Variants in NTF3 observed in about 807,000 individuals in gnomAD.
The protein encoded by NTF3 is neurotrophin-3.
In NTF3, 8 loss-of-function variants were observed where a neutral mutation model predicts 26.3. That is an observed-to-expected ratio of 0.30 (90% CI 0.18 to 0.55). The LOEUF (loss-of-function observed/expected upper bound fraction) is 0.55. NTF3 is among the 20% of genes least tolerant of loss of function. The pLI, the probability that NTF3 is intolerant of heterozygous loss-of-function variation, is 0.93. For missense variants in NTF3, 276 were observed against 352.9 expected (o/e 0.78, Z 1.75); for synonymous variants, 154 against 145.5 (o/e 1.06, Z -0.42).
chr12:5,461,965 T>C (rs1460085503), intron 1 of NTF3, among the ~76,000 whole-genome samples: 2 of 152,220 alleles, frequency 1.3e-5, no homozygotes, highest in Non-Finnish European at 2.9e-5. Context: ...ATGATGTGTA[T>C]GGGGAAATTT....
At chr12:5,452,524 T>C (rs1186365041) in intron 1 of NTF3, among the ~76,000 whole-genome samples, 1 of 152,218 alleles carries the variant, frequency 6.6e-6, no homozygotes, top group East Asian at 1.9e-4. Flanking sequence ...ATACTACAGT[T>C]GCCATCCTTT....
intron 1 of NTF3, among the ~76,000 whole-genome samples, chr12:5,436,963 CA>C (rs1940175297): frequency 6.6e-6 from 1 of 152,188 alleles, no homozygotes; most frequent in Admixed American, 6.5e-5. Flanking sequence ...ACGTGGAGAA[CA>C]GCAAAAATAA....
chr12:5,472,589 C>G (rs919457659), intron 1 of NTF3, among the ~76,000 whole-genome samples: 5 of 152,178 alleles, frequency 3.3e-5, no homozygotes, highest in African/African-American at 1.2e-4. Context: ...TTCTGTTACT[C>G]CAGCCTGGGC....
At chr12:5,444,267 T>C (rs1565384795) in intron 1 of NTF3, among the ~76,000 whole-genome samples, 1 of 152,224 alleles carries the variant, frequency 6.6e-6, no homozygotes, top group East Asian at 1.9e-4. Context: ...TTGTCGATTA[T>C]GTGTTTTCCT....
chr12:5,455,511 C>G (rs1940432036), intron 1 of NTF3, among the ~76,000 whole-genome samples: 1 of 148,888 alleles, frequency 6.7e-6, no homozygotes, highest in Non-Finnish European at 1.5e-5. Flanking sequence ...CCCTATCCAT[C>G]TGGCCTCTGT....
intron 1 of NTF3, among the ~76,000 whole-genome samples, chr12:5,440,446 C>T (rs538141565): frequency 2.0e-5 from 3 of 152,204 alleles, no homozygotes; most frequent in African/African-American, 7.2e-5. Context: ...CTAAGTGATC[C>T]CTCAGGGAGT....
chr12:5,446,020 C>G (rs954128267), intron 1 of NTF3, among the ~76,000 whole-genome samples: 4 of 152,162 alleles, frequency 2.6e-5, no homozygotes, highest in African/African-American at 7.2e-5. Context: ...TGGGGAACAG[C>G]AGGGAGAAAG....
chr12:5,434,432 TTGAG>T (rs1565382095), intron 1 of NTF3, among the ~76,000 whole-genome samples: 1 of 151,034 alleles, frequency 6.6e-6, no homozygotes, highest in Non-Finnish European at 1.5e-5. Context: ...ATTGTGACCA[TTGAG>T]TGAGTGGTCA....
intron 1 of NTF3, among the ~76,000 whole-genome samples, chr12:5,443,475 G>A (rs1940265255): frequency 6.6e-6 from 1 of 152,048 alleles, no homozygotes; most frequent in Non-Finnish European, 1.5e-5. Context: ...TACAAAGGGG[G>A]GAAATGTTCC....
chr12:5,464,629 T>C (rs1374426761), intron 1 of NTF3, among the ~76,000 whole-genome samples: 1 of 152,144 alleles, frequency 6.6e-6, no homozygotes, highest in Non-Finnish European at 1.5e-5. Context: ...AGAATCTGCA[T>C]ACTAACTGCT....
At chr12:5,437,072 T>C (rs1056134633) in intron 1 of NTF3, among the ~76,000 whole-genome samples, 1 of 152,202 alleles carries the variant, frequency 6.6e-6, no homozygotes, top group Non-Finnish European at 1.5e-5. Flanking sequence ...TTGAAATTCT[T>C]TGTGCCCAGT....
At chr12:5,458,365 C>A (rs575006843) in intron 1 of NTF3, among the ~76,000 whole-genome samples, 27 of 152,334 alleles carry the variant, frequency 1.8e-4, no homozygotes, top group Admixed American at 1.8e-3. Context: ...ACTCCCATTG[C>A]ATGCTGCAGC....
At chr12:5,443,760 C>CT (rs1940269050) in intron 1 of NTF3, among the ~76,000 whole-genome samples, 1 of 152,120 alleles carries the variant, frequency 6.6e-6, no homozygotes, top group South Asian at 2.1e-4. Flanking sequence ...CTCCTTGTCT[C>CT]TTTTTCTCTG....
intron 1 of NTF3, among the ~76,000 whole-genome samples, chr12:5,483,052 T>C (rs1051089798): frequency 3.3e-5 from 5 of 152,012 alleles, no homozygotes; most frequent in African/African-American, 1.2e-4. Context: ...TTTCTCTTTT[T>C]ATCCTTTCTC....
chr12:5,488,919 T>A (rs776300482), intron 1 of NTF3, among the ~76,000 whole-genome samples: 2 of 152,230 alleles, frequency 1.3e-5, no homozygotes, highest in Non-Finnish European at 2.9e-5. Context: ...TGAATTTGCA[T>A]ATTAAAAATT....
Position 5,495,271 on chromosome 12 carries a change from C to A in NTF3, c.*283C>A. The A allele has an allele frequency of 2.7e-6, 1 of 376,692 alleles. No homozygotes were observed. The highest frequency in any genetic ancestry group is 5.0e-6 in the Non-Finnish European group (1 of 199,108). 23.3% of individuals were successfully genotyped at this position (376,692 alleles called of 1,614,324 possible). On this transcript the variant is annotated 3_prime_UTR_variant, in exon 2 of 2. Transcript: ENST00000423158. ...GCATTCAGTATTGTCAAGGCCATGA[C>A]TGTTGTTTTAGTAAACTTGTTAAAA...
At chr12:5,492,298 C>G (rs369628096) in intron 1 of NTF3, among the ~76,000 whole-genome samples, 1 of 152,156 alleles carries the variant, frequency 6.6e-6, no homozygotes, top group African/African-American at 2.4e-5. Context: ...TCCTTAAGAG[C>G]GGATATCCTG....
At chr12:5,455,317 G>T (rs1018901742) in intron 1 of NTF3, among the ~76,000 whole-genome samples, 19 of 152,158 alleles carry the variant, frequency 1.2e-4, no homozygotes, top group Admixed American at 1.0e-3. Context: ...GTCTTCGATC[G>T]TTGTCAGCTC....
intron 1 of NTF3, among the ~76,000 whole-genome samples, chr12:5,451,488 C>T (rs1391275654): frequency 1.3e-5 from 2 of 152,168 alleles, no homozygotes; most frequent in African/African-American, 4.8e-5. Context: ...TGACGTACAG[C>T]ATTCTTTCTG....
Sources: allele counts gnomAD v4.1 joint callset (sites outside exome capture counted in the v4.1 genomes callset), GRCh38; gene constraint gnomAD v4.1.1; transcripts MANE v1.5; gene names NCBI Gene and HGNC (gene_info 2026-07-23, HGNC 2026-07-21).